CACNA1E: variants seen among roughly 807,000 people sequenced by gnomAD.
CACNA1E encodes voltage-dependent R-type calcium channel subunit alpha-1E.
Under a neutral mutation model 259.2 loss-of-function variants are expected in CACNA1E, and 40 were observed. That is an observed-to-expected ratio of 0.15 (90% CI 0.12 to 0.20). The LOEUF (loss-of-function observed/expected upper bound fraction) is 0.20, where lower values mean the gene tolerates loss of function less well. Ranked by LOEUF, CACNA1E falls within the 10% of genes least tolerant of loss-of-function variation. CACNA1E has a pLI of 1.00. For synonymous variants in CACNA1E, 1,104 were observed against 1,138.5 expected (o/e 0.97, Z 0.61); for missense variants, 1,874 against 3,040.1 (o/e 0.62, Z 9.02).
At chr1:181,498,357 T>A (rs1453079292) in intron 1 of CACNA1E, among the ~76,000 whole-genome samples, 1 of 152,218 alleles carries the variant, frequency 6.6e-6, no homozygotes, top group Non-Finnish European at 1.5e-5. Flanking sequence ...AGATTCTAGC[T>A]TTTCTTTAAC....
chr1:181,514,916 A>G (rs1282507673), intron 3 of CACNA1E, among the ~76,000 whole-genome samples: 1 of 152,152 alleles, frequency 6.6e-6, no homozygotes, highest in Non-Finnish European at 1.5e-5. Flanking sequence ...ACATTGCTTC[A>G]TCTTGTCCTC....
At chr1:181,329,221 C>A (rs1249776099) in intron 1 of CACNA1E, among the ~76,000 whole-genome samples, 1 of 152,140 alleles carries the variant, frequency 6.6e-6, no homozygotes, top group East Asian at 1.9e-4. Flanking sequence ...GTCTTCTTCT[C>A]TCCAGCTCTG....
intron 1 of CACNA1E, among the ~76,000 whole-genome samples, chr1:181,329,139 G>T (rs923969237): frequency 2.0e-5 from 3 of 152,068 alleles, no homozygotes; most frequent in Admixed American, 2.0e-4. Context: ...GTTGATACTT[G>T]CATCTCTGTA....
chr1:181,522,971 GT>G (rs1337468003), intron 3 of CACNA1E, among the ~76,000 whole-genome samples: 5 of 152,118 alleles, frequency 3.3e-5, no homozygotes, highest in South Asian at 2.1e-4. Flanking sequence ...ATCCTTCCCT[GT>G]TTTCATTTTA....
intron 34 of CACNA1E, 39 bp from the exon 35 acceptor site, chr1:181,766,507 T>A (rs754073733): frequency 6.6e-7 from 1 of 1,525,194 alleles, no homozygotes. Flanking sequence ...TGGGTGCTGC[T>A]TTTCTTTGAT....
At chr1:181,385,468 G>C (rs997451980) in intron 1 of CACNA1E, among the ~76,000 whole-genome samples, 2 of 152,146 alleles carry the variant, frequency 1.3e-5, no homozygotes, top group Non-Finnish European at 2.9e-5. Flanking sequence ...ATTTCACTGG[G>C]TTGGGGAGTG....
At chr1:181,448,847 C>T (rs1407183423) in intron 2 of CACNA1E, among the ~76,000 whole-genome samples, 3 of 152,234 alleles carry the variant, frequency 2.0e-5, no homozygotes, top group African/African-American at 7.2e-5. Flanking sequence ...CTCTGTCCTG[C>T]TCATCTCAGC....
chr1:181,801,706 T>C lies in CACNA1E; in HGVS notation c.*2872T>C, dbSNP rs1662287952. ...GTAGACCCCAACACCTATTCTTTTC[T>C]CTGGTTAATTACAGCAGCATCTGAG... On this transcript the variant is annotated 3_prime_UTR_variant, in exon 48 of 48. Transcript: ENST00000367573. 6.6e-6 allele frequency: 1 copy of C among 152,192 alleles called. No individual in the cohort carries two copies. The highest frequency in any genetic ancestry group is 2.4e-5 in the African/African-American group (1 of 41,442). The allele number at this position is 152,192 out of a possible 1,614,324, so 9.4% of individuals were successfully genotyped here.
chr1:181,566,467 A>T (rs1277051093), intron 3 of CACNA1E, among the ~76,000 whole-genome samples: 1 of 152,246 alleles, frequency 6.6e-6, no homozygotes, highest in African/African-American at 2.4e-5. Context: ...GTCTGAGTGA[A>T]TAATCAGGGA....
At chr1:181,545,859 C>A (rs1220029849) in intron 3 of CACNA1E, among the ~76,000 whole-genome samples, 1 of 152,156 alleles carries the variant, frequency 6.6e-6, no homozygotes, top group Non-Finnish European at 1.5e-5. Context: ...GGCCCCAAGT[C>A]CAAACACTTT....
In CACNA1E at chr1:181,519,653, G is replaced by T. The variant is rs896208385; in HGVS notation, c.512+8143G>T. Among the ~76,000 whole-genome samples, 23 of 152,128 alleles carry T rather than the reference G, an allele frequency of 1.5e-4. 1 individual carries two copies. The highest frequency in any genetic ancestry group is 5.6e-4 in the African/African-American group (23 of 41,430). On this transcript the variant is annotated intron_variant, in intron 3 of 47. Transcript: ENST00000367573. ...ACTTGTCCAGGGTCTTTTAGATGGGGTGTGGTGAGCTGGGGCTTGGATCCT... is the reference window on the plus strand; with the variant it reads ...ACTTGTCCAGGGTCTTTTAGATGGGTTGTGGTGAGCTGGGGCTTGGATCCT...
At chr1:181,487,564 T>C (rs553042) in intron 1 of CACNA1E, among the ~76,000 whole-genome samples, 46,021 of 152,154 alleles carry the variant, frequency 0.3, 7,044 homozygotes, top group Admixed American at 0.36. Context: ...AATGCTAATG[T>C]GATTTAAAAT....
At chr1:181,400,099 C>A (rs770022749) in intron 1 of CACNA1E, among the ~76,000 whole-genome samples, 2 of 152,072 alleles carry the variant, frequency 1.3e-5, no homozygotes, top group Non-Finnish European at 2.9e-5. Context: ...CTCAGTGTTC[C>A]CCCCCACCAG....
chr1:181,563,109 C>T (rs1253107100), intron 3 of CACNA1E, among the ~76,000 whole-genome samples: 3 of 152,090 alleles, frequency 2.0e-5, no homozygotes, highest in East Asian at 1.9e-4. Flanking sequence ...TTTTGATGCT[C>T]GACAGACAGC....
At chr1:181,673,050 A>G (rs1232148878) in intron 7 of CACNA1E, among the ~76,000 whole-genome samples, 1 of 152,130 alleles carries the variant, frequency 6.6e-6, no homozygotes, top group Non-Finnish European at 1.5e-5. Context: ...GAAAAAGCCA[A>G]AGAGTTATGT....
chr1:181,613,675 A>G (rs1654955391), intron 6 of CACNA1E, among the ~76,000 whole-genome samples: 1 of 152,160 alleles, frequency 6.6e-6, no homozygotes, highest in Non-Finnish European at 1.5e-5. Flanking sequence ...TCCTGATCAT[A>G]AACCTAACTG....
At chr1:181,678,035 G>A (rs767821238) in intron 7 of CACNA1E, among the ~76,000 whole-genome samples, 1 of 152,148 alleles carries the variant, frequency 6.6e-6, no homozygotes, top group Non-Finnish European at 1.5e-5. Flanking sequence ...ATGACCATGC[G>A]GGACATAGTA....
intron 3 of CACNA1E, among the ~76,000 whole-genome samples, chr1:181,541,502 A>C (rs918005085): frequency 4.6e-5 from 7 of 152,030 alleles, no homozygotes; most frequent in Non-Finnish European, 1.0e-4. Context: ...GATCGTTGAG[A>C]GCAGCAAAAC....
intron 2 of CACNA1E, among the ~76,000 whole-genome samples, chr1:181,447,563 C>T (rs955052079): frequency 4.6e-5 from 7 of 151,278 alleles, no homozygotes; most frequent in Non-Finnish European, 8.8e-5. Flanking sequence ...GTTAAATCTA[C>T]GTATAGATAG....
Sources: allele counts gnomAD v4.1 joint callset (sites outside exome capture counted in the v4.1 genomes callset), GRCh38; gene constraint gnomAD v4.1.1; transcripts MANE v1.5; gene names NCBI Gene and HGNC (gene_info 2026-07-23, HGNC 2026-07-21).